The following MTSS1 variants were observed in gnomAD, a reference collection of about 807,000 sequenced individuals.
MTSS1 encodes the protein protein MTSS 1.
MTSS1 carries 18 observed loss-of-function variants against 79.0 expected under a neutral mutation model. The ratio of observed to expected loss-of-function variants is 0.23; its 90% CI spans 0.16 to 0.34. MTSS1 has a LOEUF of 0.34. Among genes scored for constraint, MTSS1 ranks in the 10% least tolerant of loss-of-function variants. The pLI is 1.00. For synonymous variants in MTSS1, 341 were observed against 368.6 expected, an observed-to-expected ratio of 0.93 and a Z score of 0.86; for missense variants, 815 against 986.2, an observed-to-expected ratio of 0.83 and a Z score of 2.33.
Position 124,728,056 on chromosome 8 carries a change from AC to A in MTSS1, c.-102del. On this transcript the variant is annotated 5_prime_UTR_variant, in exon 1 of 14. Transcript: ENST00000518547. The surrounding 1 kb of genome is among the most constrained non-coding windows in gnomAD (Gnocchi z 6.1). ...CAGAAGGAATTTCACCTTCCGAGAG[AC>A]CCACCTCGGACTCGCAGCCTCTTCT... is the stretch of plus-strand genomic sequence containing the variant. 1 of 1,014,338 alleles carries A rather than the reference AC, an allele frequency of 9.9e-7. No individual in the cohort carries two copies. The highest frequency in any genetic ancestry group is 1.5e-6 in the Non-Finnish European group (1 of 681,108). The allele number at this position is 1,014,338 out of a possible 1,614,324, so 62.8% of individuals were successfully genotyped here.
chr8:124,561,602 T>C (rs3763543), intron 10 of MTSS1, among the ~76,000 whole-genome samples: 71,468 of 151,932 alleles, frequency 0.47, 17,718 homozygotes, highest in Non-Finnish European at 0.56. Context: ...AGCACGTGGC[T>C]TCTCCTTTTC....
intron 3 of MTSS1, among the ~76,000 whole-genome samples, chr8:124,628,127 A>G (rs1391685915): frequency 6.6e-6 from 1 of 152,214 alleles, no homozygotes; most frequent in Non-Finnish European, 1.5e-5. Flanking sequence ...AGATCGTGCC[A>G]TTGCACTCCA....
In MTSS1 at chr8:124,568,358, TGGAG is replaced by T; in HGVS notation, c.618+17_618+20del. 1 of 1,608,534 alleles carries T rather than the reference TGGAG, an allele frequency of 6.2e-7. No homozygotes were observed. The highest frequency in any genetic ancestry group is 1.7e-4 in the Middle Eastern group (1 of 6,020). Reference sequence around the variant, plus strand: ...CTCTACACCAGCAGTTTAAACCTTCTGGAGTTTTCCATTAACTTACAATCACTGG... The same window carrying T: ...CTCTACACCAGCAGTTTAAACCTTCTTTTTCCATTAACTTACAATCACTGG... On this transcript the variant is annotated intron_variant, in intron 7 of 13. Coordinates refer to ENST00000518547, the MANE Select transcript of MTSS1 (RefSeq NM_014751.6).
At chr8:124,654,613 G>A (rs1820604221) in intron 3 of MTSS1, among the ~76,000 whole-genome samples, 1 of 152,104 alleles carries the variant, frequency 6.6e-6, no homozygotes, top group Non-Finnish European at 1.5e-5. Flanking sequence ...AAGAACACCA[G>A]GAAGTCACCA....
intron 1 of MTSS1, among the ~76,000 whole-genome samples, chr8:124,717,461 A>T (rs1463499110): frequency 6.6e-6 from 1 of 150,868 alleles, no homozygotes; most frequent in Non-Finnish European, 1.5e-5. Context: ...GCACCACTGC[A>T]CACTCCGGCC....
At chr8:124,556,650 C>T in intron 11 of MTSS1, 1 of 524,714 alleles carries the variant, frequency 1.9e-6, no homozygotes, top group Non-Finnish European at 3.3e-6. Context: ...AACCCTCACC[C>T]ACCAGGTGGC....
chr8:124,721,561 G>A (rs1422668744), intron 1 of MTSS1, among the ~76,000 whole-genome samples: 1 of 151,996 alleles, frequency 6.6e-6, no homozygotes, highest in Non-Finnish European at 1.5e-5. Flanking sequence ...AGGTGTGCGT[G>A]ATCACGCTGG....
chr8:124,702,131 G>T (rs1829787778), intron 2 of MTSS1, among the ~76,000 whole-genome samples: 1 of 152,186 alleles, frequency 6.6e-6, no homozygotes. Flanking sequence ...GATAAAAGGG[G>T]AAGATAACAA....
At chr8:124,670,679 A>G (rs990189099) in intron 3 of MTSS1, among the ~76,000 whole-genome samples, 1 of 152,152 alleles carries the variant, frequency 6.6e-6, no homozygotes, top group African/African-American at 2.4e-5. Flanking sequence ...ACATCATCTC[A>G]TTTGGATGTT....
At chr8:124,621,751 G>A (rs920231339) in intron 3 of MTSS1, among the ~76,000 whole-genome samples, 3 of 152,102 alleles carry the variant, frequency 2.0e-5, no homozygotes, top group East Asian at 1.9e-4. Flanking sequence ...GTTTCACCAC[G>A]TTGGCCAGGC....
At chr8:124,627,716 AG>A (rs1458788709) in intron 3 of MTSS1, among the ~76,000 whole-genome samples, 2 of 152,198 alleles carry the variant, frequency 1.3e-5, no homozygotes, top group Non-Finnish European at 2.9e-5. Context: ...ATGTAAGAAG[AG>A]GAAGCTCAGC....
chr8:124,695,785 C>T (rs571162713), intron 3 of MTSS1, among the ~76,000 whole-genome samples: 1 of 151,378 alleles, frequency 6.6e-6, no homozygotes, highest in East Asian at 1.9e-4. Context: ...AACAATGTTT[C>T]TTAGGGGCTA....
At chr8:124,598,567 G>A (rs536524011) in intron 3 of MTSS1, among the ~76,000 whole-genome samples, 47 of 152,232 alleles carry the variant, frequency 3.1e-4, no homozygotes, top group African/African-American at 1.1e-3. Context: ...GCAAACCCTC[G>A]CTGCAGAAGC....
intron 3 of MTSS1, among the ~76,000 whole-genome samples, chr8:124,592,404 T>C (rs377590414): frequency 4.0e-4 from 61 of 152,212 alleles, no homozygotes; most frequent in African/African-American, 1.3e-3. Flanking sequence ...AAGTGTCAAA[T>C]AAAGCACTAT....
intron 6 of MTSS1, chr8:124,580,135 C>G (rs891611703): frequency 6.3e-6 from 1 of 159,668 alleles, no homozygotes; most frequent in African/African-American, 2.4e-5. Flanking sequence ...TTAACACAAC[C>G]AAATCTGATT....
At chr8:124,723,479 G>A (rs61522904) in intron 1 of MTSS1, among the ~76,000 whole-genome samples, 3,726 of 149,520 alleles carry the variant, frequency 0.025, 129 homozygotes, top group African/African-American at 0.087. Context: ...CAAAAAATTT[G>A]ACTAAATAGT....
intron 5 of MTSS1, among the ~76,000 whole-genome samples, chr8:124,588,704 T>A (rs545725124): frequency 6.6e-6 from 1 of 152,316 alleles, no homozygotes; most frequent in Admixed American, 6.5e-5. Flanking sequence ...CCTGCCATGA[T>A]GATTTTCACT....
chr8:124,567,585 G>A (rs1586858139), intron 7 of MTSS1: 3 of 1,373,518 alleles, frequency 2.2e-6, no homozygotes, highest in Non-Finnish European at 2.8e-6. Flanking sequence ...CCAGATCTTT[G>A]TGACAGTGCC....
intron 3 of MTSS1, among the ~76,000 whole-genome samples, chr8:124,665,946 C>T (rs1256227850): frequency 1.3e-5 from 2 of 151,906 alleles, no homozygotes; most frequent in Non-Finnish European, 2.9e-5. Flanking sequence ...ATGAGTCTCA[C>T]GATTTTGGGC....
Sources: gnomAD v4.1 joint callset for allele counts (sites outside exome capture counted in the v4.1 genomes callset) on GRCh38, gnomAD v4.1.1 for gene constraint, Gnocchi (gnomAD v3.1) non-coding constraint, MANE v1.5 for transcripts, NCBI Gene and HGNC (gene_info 2026-07-23, HGNC 2026-07-21) for gene names.